HOMER1: variants seen among roughly 807,000 people sequenced by gnomAD.
HOMER1 encodes the protein homer protein homolog 1.
A neutral mutation model predicts 48.9 loss-of-function variants in HOMER1; 3 were observed. The ratio of observed to expected loss-of-function variants is 0.06; its 90% CI spans 0.03 to 0.16. The LOEUF is 0.16. Ranked by LOEUF, HOMER1 falls within the 10% of genes least tolerant of loss-of-function variation. The pLI is 1.00. For synonymous variants in HOMER1, 134 were observed against 146.4 expected (o/e 0.92, Z 0.61); for missense variants, 247 against 411.4 (o/e 0.60, Z 3.46).
At chr5:79,407,596 A>G (rs1749699810) in intron 5 of HOMER1, among the ~76,000 whole-genome samples, 1 of 152,212 alleles carries the variant, frequency 6.6e-6, no homozygotes, top group East Asian at 1.9e-4. Flanking sequence ...ACAGCTGCAT[A>G]AAGTCGGTGA....
chr5:79,396,055 G>A (rs13164451), intron 8 of HOMER1, among the ~76,000 whole-genome samples: 1 of 152,038 alleles, frequency 6.6e-6, no homozygotes, highest in Admixed American at 6.6e-5. Context: ...CTAACGCTGA[G>A]GGTGTAAGAA....
intron 4 of HOMER1, among the ~76,000 whole-genome samples, chr5:79,440,627 G>T (rs1409172648): frequency 6.6e-6 from 1 of 152,126 alleles, no homozygotes; most frequent in African/African-American, 2.4e-5. Context: ...ATCCTATTAA[G>T]TGAATAATGG....
At chr5:79,479,629 G>A (rs1561380169) in intron 1 of HOMER1, among the ~76,000 whole-genome samples, 1 of 152,158 alleles carries the variant, frequency 6.6e-6, no homozygotes, top group Non-Finnish European at 1.5e-5. Context: ...TTTCAGCCCA[G>A]TTAAACTGCT....
rs902929888 is a variant in HOMER1, at chr5:79,373,419, T to C, written c.*2590A>G. 2 of 152,036 alleles carry C rather than the reference T, an allele frequency of 1.3e-5. No homozygotes were observed. The highest frequency in any genetic ancestry group is 4.8e-5 in the African/African-American group (2 of 41,446). The allele number at this position is 152,036 out of a possible 1,614,324, so 9.4% of individuals were successfully genotyped here. ...GCTTCAAGTCCACATGTTCAGGCTATAGTCCCCAACATTATTTTCTGAGAA... is the reference window on the plus strand; with the variant it reads ...GCTTCAAGTCCACATGTTCAGGCTACAGTCCCCAACATTATTTTCTGAGAA... On this transcript the variant is annotated 3_prime_UTR_variant, in exon 9 of 9. Coordinates refer to ENST00000334082, the MANE Select transcript of HOMER1 (RefSeq NM_004272.5).
intron 5 of HOMER1, among the ~76,000 whole-genome samples, chr5:79,404,698 T>G (rs1022146159): frequency 6.6e-6 from 1 of 151,514 alleles, no homozygotes; most frequent in Non-Finnish European, 1.5e-5. Context: ...ACATTCTGCC[T>G]TTTCTTTCTT....
At chr5:79,429,946 C>T (rs570898989) in intron 5 of HOMER1, among the ~76,000 whole-genome samples, 1 of 151,910 alleles carries the variant, frequency 6.6e-6, no homozygotes, top group African/African-American at 2.4e-5. Flanking sequence ...TGGCATGAAC[C>T]CAGGCCGCAG....
At chr5:79,469,696 T>C (rs946315688) in intron 1 of HOMER1, among the ~76,000 whole-genome samples, 4 of 151,866 alleles carry the variant, frequency 2.6e-5, no homozygotes, top group African/African-American at 9.7e-5. Context: ...AGAGATGGGG[T>C]TATGTTGCCC....
intron 1 of HOMER1, among the ~76,000 whole-genome samples, chr5:79,484,623 A>T (rs1306428490): frequency 6.6e-6 from 1 of 152,200 alleles, no homozygotes; most frequent in Non-Finnish European, 1.5e-5. Context: ...AACCTATATG[A>T]TGCTTATAAG....
rs1313442887 is a variant in HOMER1 at position 79,373,071 on chromosome 5, CA to C, written c.*2937del. The C allele has an allele frequency of 2.0e-5, 3 of 152,130 alleles. No individual in the cohort carries two copies. Among genetic ancestry groups the C allele is most frequent in the Admixed American group, 6.5e-5 (1 of 15,278 alleles). The allele number at this position is 152,130 out of a possible 1,614,324, so 9.4% of individuals were successfully genotyped here. On this transcript the variant is annotated 3_prime_UTR_variant, in exon 9 of 9. Coordinates refer to ENST00000334082, the MANE Select transcript of HOMER1 (RefSeq NM_004272.5). ...AAAGAGAAAGAGAGAGAGAGGAGAA[CA>C]AAAACTAATTTTCCAGGCAGGGGAA...
chr5:79,392,419 T>G (rs560482783), intron 8 of HOMER1, among the ~76,000 whole-genome samples: 1 of 151,842 alleles, frequency 6.6e-6, no homozygotes, highest in African/African-American at 2.4e-5. Context: ...TGTGTCTTCG[T>G]TTTTTAAAAG....
At chr5:79,438,453 A>G (rs193209828) in intron 5 of HOMER1, among the ~76,000 whole-genome samples, 3 of 152,338 alleles carry the variant, frequency 2.0e-5, no homozygotes, top group Admixed American at 6.5e-5. Flanking sequence ...GCAAGTGAAG[A>G]CTTATCTCCT....
At chr5:79,483,769 A>T (rs555929014) in intron 1 of HOMER1, among the ~76,000 whole-genome samples, 78 of 151,168 alleles carry the variant, frequency 5.2e-4, no homozygotes, top group Non-Finnish European at 8.4e-4. Flanking sequence ...AAAAAAAAAA[A>T]AGTGGCCGGG....
chr5:79,484,898 C>T (rs1283532992), intron 1 of HOMER1, among the ~76,000 whole-genome samples: 2 of 152,126 alleles, frequency 1.3e-5, no homozygotes, highest in South Asian at 2.1e-4. Flanking sequence ...TACTACAATT[C>T]CCAGGCTACA....
intron 1 of HOMER1, among the ~76,000 whole-genome samples, chr5:79,492,791 G>A (rs529387839): frequency 2.4e-4 from 37 of 151,672 alleles, no homozygotes; most frequent in Non-Finnish European, 4.4e-4. Context: ...GAAAGGGGCC[G>A]CTAAGGGGGG....
chr5:79,457,470 T>C (rs921014595), intron 1 of HOMER1, among the ~76,000 whole-genome samples: 2 of 152,158 alleles, frequency 1.3e-5, no homozygotes, highest in Non-Finnish European at 2.9e-5. Context: ...ATTTCACACT[T>C]TGTTGGTGCT....
At chr5:79,421,699 G>T (rs1362926410) in intron 5 of HOMER1, among the ~76,000 whole-genome samples, 1 of 151,644 alleles carries the variant, frequency 6.6e-6, no homozygotes, top group Non-Finnish European at 1.5e-5. Flanking sequence ...TCCATCTCCG[G>T]GTTCAAGTGA....
rs577112753 is a variant in HOMER1, at chr5:79,446,910, T to C, written c.387+143A>G. On this transcript the variant is annotated intron_variant, in intron 4 of 8. Coordinates refer to ENST00000334082, the MANE Select transcript of HOMER1 (RefSeq NM_004272.5). ...CTCAAGTAATCCTCCCACCTAAGCCTATCAAAGTCCTGGGATTACAGGTGT... is the reference window on the plus strand; with the variant it reads ...CTCAAGTAATCCTCCCACCTAAGCCCATCAAAGTCCTGGGATTACAGGTGT... 52 of 525,102 alleles carry C rather than the reference T, an allele frequency of 9.9e-5. No individual in the cohort carries two copies. The South Asian group carries it at 1.1e-3, about 11-fold the overall frequency. 32.5% of individuals were successfully genotyped at this position (525,102 alleles called of 1,614,324 possible).
intron 1 of HOMER1, among the ~76,000 whole-genome samples, chr5:79,489,205 A>G (rs1752203086): frequency 6.6e-6 from 1 of 152,170 alleles, no homozygotes; most frequent in Admixed American, 6.5e-5. Context: ...GATTCAGGAG[A>G]GAGAGAGATT....
intron 8 of HOMER1, among the ~76,000 whole-genome samples, chr5:79,386,715 A>G (rs1749119340): frequency 6.6e-6 from 1 of 152,234 alleles, no homozygotes; most frequent in African/African-American, 2.4e-5. Context: ...TGTAAAAATT[A>G]TCACATGTAT....
Sources: gnomAD v4.1 joint callset for allele counts (sites outside exome capture counted in the v4.1 genomes callset) on GRCh38, gnomAD v4.1.1 for gene constraint, MANE v1.5 for transcripts, NCBI Gene and HGNC (gene_info 2026-07-23, HGNC 2026-07-21) for gene names.